The following CDKAL1 variants were observed in gnomAD, a reference collection of about 807,000 sequenced individuals.
The protein encoded by CDKAL1 is threonylcarbamoyladenosine tRNA methylthiotransferase.
Under a neutral mutation model 68.2 loss-of-function variants are expected in CDKAL1, and 32 were observed. That is an observed-to-expected ratio of 0.47 (90% CI 0.35 to 0.63). The LOEUF (loss-of-function observed/expected upper bound fraction) is 0.63. Among genes scored for constraint, CDKAL1 ranks in the 30% least tolerant of loss-of-function variants. The pLI is 0.00. For missense variants in CDKAL1, 606 were observed against 696.7 expected, an observed-to-expected ratio of 0.87 and a Z score of 1.47; for synonymous variants, 234 against 244.3, an observed-to-expected ratio of 0.96 and a Z score of 0.39.
At chr6:20,792,526 A>G (rs1775940024) in intron 8 of CDKAL1, among the ~76,000 whole-genome samples, 1 of 152,128 alleles carries the variant, frequency 6.6e-6, no homozygotes. Flanking sequence ...GAAAACATAA[A>G]CTTTCTGAAA....
intron 5 of CDKAL1, among the ~76,000 whole-genome samples, chr6:20,730,292 G>GA (rs1459597304): frequency 8.5e-4 from 118 of 139,416 alleles, no homozygotes; most frequent in African/African-American, 2.9e-3. Flanking sequence ...GCCACACCCT[G>GA]AAAAAAAAAG....
intron 6 of CDKAL1, among the ~76,000 whole-genome samples, chr6:20,750,227 C>T (rs1185032010): frequency 6.6e-6 from 1 of 152,096 alleles, no homozygotes; most frequent in African/African-American, 2.4e-5. Flanking sequence ...AGGCACATGC[C>T]ACCACACATG....
At chr6:21,034,730 C>T (rs577067505) in intron 11 of CDKAL1, among the ~76,000 whole-genome samples, 7 of 152,106 alleles carry the variant, frequency 4.6e-5, no homozygotes, top group Non-Finnish European at 8.8e-5. Flanking sequence ...AGTTTAGTAC[C>T]GCTGTTTGTT....
intron 5 of CDKAL1, among the ~76,000 whole-genome samples, chr6:20,737,106 CCTT>C (rs1221246799): frequency 6.6e-6 from 1 of 152,182 alleles, no homozygotes; most frequent in Non-Finnish European, 1.5e-5. Context: ...CTTTCCTCCT[CCTT>C]GTCTTTGTTC....
chr6:21,078,322 T>A (rs1260392186), intron 12 of CDKAL1, among the ~76,000 whole-genome samples: 1 of 152,188 alleles, frequency 6.6e-6, no homozygotes, highest in Non-Finnish European at 1.5e-5. Context: ...TGCTTATTCC[T>A]AGATCTGTGA....
chr6:20,962,129 A>G (rs553820933), intron 10 of CDKAL1, among the ~76,000 whole-genome samples: 93 of 152,332 alleles, frequency 6.1e-4, no homozygotes, highest in African/African-American at 2.1e-3. Flanking sequence ...TAATAAAACA[A>G]GTTATATATT....
At chr6:20,904,906 C>T (rs1363858792) in intron 9 of CDKAL1, among the ~76,000 whole-genome samples, 2 of 152,104 alleles carry the variant, frequency 1.3e-5, no homozygotes, top group African/African-American at 4.8e-5. Flanking sequence ...GACTTAGAGA[C>T]TGCCTATATC....
At chr6:20,976,034 C>T (rs1765829649) in intron 10 of CDKAL1, among the ~76,000 whole-genome samples, 1 of 152,044 alleles carries the variant, frequency 6.6e-6, no homozygotes, top group African/African-American at 2.4e-5. Flanking sequence ...ACCTATTTAC[C>T]CCTCCCTTCT....
chr6:20,980,847 G>T (rs1353449080), intron 10 of CDKAL1, among the ~76,000 whole-genome samples: 1 of 152,136 alleles, frequency 6.6e-6, no homozygotes, highest in Non-Finnish European at 1.5e-5. Flanking sequence ...ACCTGGAAAT[G>T]GACCTAATTA....
intron 13 of CDKAL1, among the ~76,000 whole-genome samples, chr6:21,123,912 G>A (rs1399587354): frequency 1.3e-5 from 2 of 152,320 alleles, no homozygotes; most frequent in Non-Finnish European, 2.9e-5. Context: ...CACCAAATTA[G>A]TGCCCCCCAA....
At chr6:20,813,708 T>G (rs1337841036) in intron 8 of CDKAL1, among the ~76,000 whole-genome samples, 1 of 152,186 alleles carries the variant, frequency 6.6e-6, no homozygotes, top group Non-Finnish European at 1.5e-5. Context: ...AGATAATCCT[T>G]TCCCTTTGTC....
In CDKAL1 at chr6:20,948,280, A is replaced by G. The variant is rs1217907664; in HGVS notation, c.743-7139A>G. On this transcript the variant is annotated intron_variant, in intron 9 of 15. Transcript: ENST00000274695. ...AATCCTTTGTGCCTTGGCCTCCCAA[A>G]GAGCTGGGATTACAGGAATGAGCTA... Among the ~76,000 whole-genome samples, 22 of 152,116 alleles carry G rather than the reference A, an allele frequency of 1.4e-4. 1 individual carries two copies. The highest frequency in any genetic ancestry group is 9.2e-4 in the Admixed American group (14 of 15,272).
chr6:21,188,639 A>G (rs539110023), intron 13 of CDKAL1, among the ~76,000 whole-genome samples: 2 of 152,312 alleles, frequency 1.3e-5, no homozygotes, highest in Non-Finnish European at 2.9e-5. Context: ...GTATCTGGCC[A>G]TAGAACTTCA....
At chr6:21,127,198 T>G (rs576674776) in intron 13 of CDKAL1, among the ~76,000 whole-genome samples, 1 of 152,160 alleles carries the variant, frequency 6.6e-6, no homozygotes, top group Admixed American at 6.5e-5. Context: ...GACTGGGATG[T>G]GAAGGATGAA....
At chr6:20,742,101 T>C (rs1211101178) in intron 6 of CDKAL1, among the ~76,000 whole-genome samples, 1 of 152,186 alleles carries the variant, frequency 6.6e-6, no homozygotes, top group Non-Finnish European at 1.5e-5. Context: ...TAGCCGCGTG[T>C]ATGTCTTCTT....
At chr6:20,832,552 A>G (rs566807203) in intron 8 of CDKAL1, among the ~76,000 whole-genome samples, 3 of 151,810 alleles carry the variant, frequency 2.0e-5, no homozygotes, top group African/African-American at 7.2e-5. Context: ...GATTCTTGGG[A>G]GACTGAGGCA....
At chr6:21,064,565 T>C (rs1383695863) in intron 11 of CDKAL1, among the ~76,000 whole-genome samples, 1 of 152,228 alleles carries the variant, frequency 6.6e-6, no homozygotes, top group Non-Finnish European at 1.5e-5. Context: ...TAGGAAAAAT[T>C]ACACATTGTG....
At chr6:21,000,597 T>C (rs546720281) in intron 11 of CDKAL1, among the ~76,000 whole-genome samples, 1 of 152,192 alleles carries the variant, frequency 6.6e-6, no homozygotes, top group Admixed American at 6.5e-5. Flanking sequence ...TTAATTTGTG[T>C]AAGATTGCCA....
intron 9 of CDKAL1, among the ~76,000 whole-genome samples, chr6:20,904,305 G>A (rs1037296910): frequency 6.6e-6 from 1 of 152,146 alleles, no homozygotes; most frequent in Non-Finnish European, 1.5e-5. Flanking sequence ...GGAGGCCAAG[G>A]TGGGAGGATT....
Sources: gnomAD v4.1 joint callset for allele counts (sites outside exome capture counted in the v4.1 genomes callset) on GRCh38, gnomAD v4.1.1 for gene constraint, MANE v1.5 for transcripts, NCBI Gene and HGNC (gene_info 2026-07-23, HGNC 2026-07-21) for gene names.